The following NKAIN2 variants were observed in gnomAD, a reference collection of about 807,000 sequenced individuals.
NKAIN2 encodes the protein sodium/potassium-transporting ATPase subunit beta-1-interacting protein 2.
A neutral mutation model predicts 32.6 loss-of-function variants in NKAIN2; 14 were observed. The observed-to-expected ratio is 0.43, with a 90% CI of 0.28 to 0.67. NKAIN2 has a LOEUF of 0.67. NKAIN2 is among the 30% of genes least tolerant of loss of function. The pLI, the probability that NKAIN2 is intolerant of heterozygous loss-of-function variation, is 0.17. For synonymous variants in NKAIN2, 80 were observed against 87.2 expected (o/e 0.92, Z 0.46); for missense variants, 198 against 258.3 (o/e 0.77, Z 1.60).
intron 1 of NKAIN2, among the ~76,000 whole-genome samples, chr6:124,253,850 T>TG (rs1317944077): frequency 2.1e-5 from 3 of 145,518 alleles, no homozygotes; most frequent in African/African-American, 7.7e-5. Flanking sequence ...TTTTTTTTTT[T>TG]GAAACAGAGT....
chr6:124,687,354 ATATT>A (rs1773975962), intron 4 of NKAIN2, among the ~76,000 whole-genome samples: 1 of 136,080 alleles, frequency 7.3e-6, no homozygotes, highest in African/African-American at 2.6e-5. Flanking sequence ...TATAATATAT[ATATT>A]CCATACATAC....
intron 1 of NKAIN2, among the ~76,000 whole-genome samples, chr6:123,812,775 T>C (rs1331198202): frequency 6.6e-6 from 1 of 152,212 alleles, no homozygotes; most frequent in Non-Finnish European, 1.5e-5. Context: ...TTTTGTTTTT[T>C]AATCAATGCA....
intron 1 of NKAIN2, among the ~76,000 whole-genome samples, chr6:124,241,097 A>G (rs1290761618): frequency 2.0e-5 from 3 of 152,174 alleles, no homozygotes; most frequent in Non-Finnish European, 4.4e-5. Flanking sequence ...ATACACCAAT[A>G]ATAGAAAAAC....
chr6:124,629,739 A>G (rs1041728277), intron 3 of NKAIN2, among the ~76,000 whole-genome samples: 5 of 152,180 alleles, frequency 3.3e-5, no homozygotes, highest in Admixed American at 6.6e-5. Context: ...CATTTTAGTC[A>G]AAAAGAAACG....
At chr6:124,628,262 C>T (rs561915660) in intron 3 of NKAIN2, among the ~76,000 whole-genome samples, 99 of 129,920 alleles carry the variant, frequency 7.6e-4, no homozygotes, top group Non-Finnish European at 1.5e-3. Flanking sequence ...ATGACCTTAC[C>T]TTTAAGTATT....
intron 3 of NKAIN2, among the ~76,000 whole-genome samples, chr6:124,368,441 C>A (rs1303485551): frequency 6.6e-6 from 1 of 152,066 alleles, no homozygotes; most frequent in African/African-American, 2.4e-5. Flanking sequence ...TTCCTAAAAC[C>A]TCTTTCAGAT....
chr6:123,830,631 C>G (rs909073000), intron 1 of NKAIN2, among the ~76,000 whole-genome samples: 1 of 152,214 alleles, frequency 6.6e-6, no homozygotes, highest in African/African-American at 2.4e-5. Context: ...GTCAACTTCA[C>G]CCACTGAAAA....
intron 1 of NKAIN2, among the ~76,000 whole-genome samples, chr6:124,022,808 C>T (rs1013073921): frequency 6.6e-6 from 1 of 152,004 alleles, no homozygotes; most frequent in African/African-American, 2.4e-5. Flanking sequence ...CTTGCCCTCC[C>T]ACAGGCTTCA....
chr6:124,315,206 A>G (rs78861630), intron 2 of NKAIN2, among the ~76,000 whole-genome samples: 1,838 of 152,202 alleles, frequency 0.012, 12 homozygotes, highest in Non-Finnish European at 0.018. Context: ...TGCATCCCAG[A>G]TCAACAAGTC....
intron 1 of NKAIN2, among the ~76,000 whole-genome samples, chr6:124,058,555 G>A (rs1268224210): frequency 6.6e-6 from 1 of 151,948 alleles, no homozygotes. Context: ...TTGTTGTAAG[G>A]ATTTCTGGGC....
intron 1 of NKAIN2, among the ~76,000 whole-genome samples, chr6:124,049,428 G>T (rs892845059): frequency 6.6e-6 from 1 of 151,820 alleles, no homozygotes; most frequent in East Asian, 1.9e-4. Flanking sequence ...GAGCTCCCCC[G>T]GGTTTATGAA....
At chr6:124,537,800 A>G (rs1779772440) in intron 3 of NKAIN2, among the ~76,000 whole-genome samples, 1 of 152,166 alleles carries the variant, frequency 6.6e-6, no homozygotes, top group Admixed American at 6.5e-5. Flanking sequence ...TTTTGTTCAT[A>G]TGTAGTATGT....
chr6:124,537,090 T>A (rs1181316627), intron 3 of NKAIN2, among the ~76,000 whole-genome samples: 1 of 152,162 alleles, frequency 6.6e-6, no homozygotes, highest in Non-Finnish European at 1.5e-5. Flanking sequence ...CCAGTAGGTG[T>A]CCACTTTTCT....
chr6:124,238,337 A>G (rs1363923992), intron 1 of NKAIN2, among the ~76,000 whole-genome samples: 1 of 152,158 alleles, frequency 6.6e-6, no homozygotes, highest in African/African-American at 2.4e-5. Context: ...GGCTGCTTTC[A>G]TGAAAGCTAT....
At chr6:124,003,814 A>G (rs1779968915) in intron 1 of NKAIN2, among the ~76,000 whole-genome samples, 1 of 152,184 alleles carries the variant, frequency 6.6e-6, no homozygotes, top group South Asian at 2.1e-4. Context: ...ATGGGGCAGC[A>G]GGGATCTCAA....
At chr6:123,821,298 T>G (rs1354305547) in intron 1 of NKAIN2, among the ~76,000 whole-genome samples, 2 of 152,238 alleles carry the variant, frequency 1.3e-5, no homozygotes, top group African/African-American at 2.4e-5. Context: ...CTCTCACTAT[T>G]TTAGATCAGG....
intron 1 of NKAIN2, among the ~76,000 whole-genome samples, chr6:124,222,523 T>C (rs1791889192): frequency 6.6e-6 from 1 of 152,026 alleles, no homozygotes; most frequent in South Asian, 2.1e-4. Flanking sequence ...TTTGGAAAAC[T>C]CTAAAAGAAG....
rs553521226 is a variant in NKAIN2 at position 123,872,112 on chromosome 6, A to T, written c.54+67858A>T. On this transcript the variant is annotated intron_variant, in intron 1 of 6. Coordinates refer to ENST00000368417, the MANE Select transcript of NKAIN2 (RefSeq NM_001040214.3). ...ATTACAATTATGTTTATTATTATTA[A>T]TTTTTTTCATATTTTATTTTGCTTC... Among the ~76,000 whole-genome samples, 194 of 152,182 alleles carry T rather than the reference A, an allele frequency of 1.3e-3. 1 individual carries two copies. The highest frequency in any genetic ancestry group is 4.1e-3 in the African/African-American group (169 of 41,518).
intron 1 of NKAIN2, among the ~76,000 whole-genome samples, chr6:123,939,071 G>A (rs1236086230): frequency 6.6e-6 from 1 of 151,906 alleles, no homozygotes; most frequent in Non-Finnish European, 1.5e-5. Flanking sequence ...TCAGACTTTA[G>A]AAGTATAAGT....
Sources: gnomAD v4.1 joint callset for allele counts (sites outside exome capture counted in the v4.1 genomes callset) on GRCh38, gnomAD v4.1.1 for gene constraint, MANE v1.5 for transcripts, NCBI Gene and HGNC (gene_info 2026-07-23, HGNC 2026-07-21) for gene names.